The following RNGTT variants were observed in gnomAD, a reference collection of about 807,000 sequenced individuals.
The protein encoded by RNGTT is mRNA-capping enzyme.
Under a neutral mutation model 79.3 loss-of-function variants are expected in RNGTT, and 33 were observed. The observed-to-expected ratio is 0.42, with a 90% CI of 0.32 to 0.56. RNGTT has a LOEUF of 0.56. RNGTT is among the 20% of genes least tolerant of loss of function. The pLI, the probability that RNGTT is intolerant of heterozygous loss-of-function variation, is 0.17. For missense variants in RNGTT, 497 were observed against 739.1 expected (o/e 0.67, Z 3.80); for synonymous variants, 222 against 235.9 (o/e 0.94, Z 0.54).
Position 88,946,853 on chromosome 6 carries a change from C to T in RNGTT, c.65-5673G>A, listed in dbSNP as rs1421996770. ...TGGAGATGGGGTTTCGCTGTGTTGG[C>T]CGGGCCGGTCTCCAGCCCCTAACCG... is the stretch of plus-strand genomic sequence containing the variant. On this transcript the variant is annotated intron_variant, in intron 1 of 15. Transcript: ENST00000369485. Among the ~76,000 whole-genome samples, 582 of 140,420 alleles carry T rather than the reference C, an allele frequency of 4.1e-3. 3 individuals carry two copies. Among genetic ancestry groups the T allele is most frequent in the African/African-American group, 0.014 (528 of 37,234 alleles). 92.1% of individuals were successfully genotyped at this position (140,420 alleles called of 152,430 possible). A position where few individuals can be genotyped will look rare whatever the true frequency, so the allele number is the denominator to read the frequency against.
chr6:88,644,750 A>C (rs1004351787), intron 14 of RNGTT, among the ~76,000 whole-genome samples: 1 of 152,202 alleles, frequency 6.6e-6, no homozygotes, highest in African/African-American at 2.4e-5. Flanking sequence ...AAAGACAAAA[A>C]CCACATGATT....
chr6:88,885,102 G>T (rs1782814011), intron 8 of RNGTT, among the ~76,000 whole-genome samples: 1 of 151,630 alleles, frequency 6.6e-6, no homozygotes, highest in Admixed American at 6.6e-5. Flanking sequence ...ATATAGGTGT[G>T]TATTTATGTA....
chr6:88,619,783 C>T (rs1373213366), intron 14 of RNGTT, among the ~76,000 whole-genome samples: 2 of 152,046 alleles, frequency 1.3e-5, no homozygotes, highest in Non-Finnish European at 2.9e-5. Context: ...TAAATGAACT[C>T]AAACAAAAAT....
intron 1 of RNGTT, 58 bp from the exon 2 acceptor site, chr6:88,941,238 C>A (rs1784836969): frequency 8.8e-7 from 1 of 1,140,834 alleles, no homozygotes; most frequent in Middle Eastern, 2.0e-4. Flanking sequence ...GATTAAAATT[C>A]TATAATTAAC....
At chr6:88,851,040 A>G (rs1345310853) in intron 9 of RNGTT, among the ~76,000 whole-genome samples, 2 of 151,954 alleles carry the variant, frequency 1.3e-5, no homozygotes, top group African/African-American at 4.8e-5. Context: ...TCTAATCATC[A>G]CAGTCCATAT....
At chr6:88,703,527 G>A (rs1776014756) in intron 13 of RNGTT, among the ~76,000 whole-genome samples, 2 of 152,060 alleles carry the variant, frequency 1.3e-5, no homozygotes, top group Non-Finnish European at 2.9e-5. Flanking sequence ...CAGACAACGG[G>A]GACTACTAAA....
intron 14 of RNGTT, among the ~76,000 whole-genome samples, chr6:88,638,928 C>T (rs1773205483): frequency 6.6e-6 from 1 of 152,046 alleles, no homozygotes; most frequent in Non-Finnish European, 1.5e-5. Flanking sequence ...TCTGCTAAGC[C>T]TCATATTTTG....
intron 11 of RNGTT, among the ~76,000 whole-genome samples, chr6:88,803,647 C>T (rs1278045746): frequency 7.0e-6 from 1 of 142,364 alleles, no homozygotes; most frequent in Non-Finnish European, 1.5e-5. Flanking sequence ...AAACCAAATA[C>T]CACAATAATC....
At chr6:88,628,068 C>T (rs919965605) in intron 14 of RNGTT, among the ~76,000 whole-genome samples, 4 of 152,072 alleles carry the variant, frequency 2.6e-5, no homozygotes, top group Admixed American at 6.6e-5. Flanking sequence ...AAAGGCATTA[C>T]GTAAGTACAG....
intron 11 of RNGTT, among the ~76,000 whole-genome samples, chr6:88,806,030 C>A (rs999530727): frequency 6.6e-6 from 1 of 152,074 alleles, no homozygotes; most frequent in African/African-American, 2.4e-5. Context: ...CAAATGAAGC[C>A]TATTAACAAA....
intron 14 of RNGTT, among the ~76,000 whole-genome samples, chr6:88,676,764 A>G (rs2127788942): frequency 6.6e-6 from 1 of 152,360 alleles, no homozygotes; most frequent in East Asian, 1.9e-4. Context: ...ACAAGATTTG[A>G]AGAAATACTT....
chr6:88,949,085 G>A (rs1785136261), intron 1 of RNGTT, among the ~76,000 whole-genome samples: 1 of 101,538 alleles, frequency 9.8e-6, no homozygotes, highest in East Asian at 2.8e-4. Context: ...CCCCCTCTGT[G>A]AGAAACACCC....
chr6:88,724,012 A>G (rs1283163611), intron 13 of RNGTT, among the ~76,000 whole-genome samples: 1 of 152,222 alleles, frequency 6.6e-6, no homozygotes, highest in Non-Finnish European at 1.5e-5. Context: ...GGCGTGAGCC[A>G]CCGCGCTCAG....
chr6:88,863,080 GT>G (rs1271635286), intron 8 of RNGTT, among the ~76,000 whole-genome samples: 1 of 152,062 alleles, frequency 6.6e-6, no homozygotes, highest in Non-Finnish European at 1.5e-5. Flanking sequence ...CTTCTATTAT[GT>G]GATCACTTAC....
chr6:88,724,294 T>C (rs1776809886), intron 13 of RNGTT, among the ~76,000 whole-genome samples: 1 of 152,204 alleles, frequency 6.6e-6, no homozygotes, highest in Admixed American at 6.5e-5. Context: ...AGGTGCCTGA[T>C]ACAGGTGTAC....
rs143959394 is a variant in RNGTT, at chr6:88,643,612, C to T, written c.1507-29217G>A. Among the ~76,000 whole-genome samples the T allele has an allele frequency of 6.8e-3, 1,034 of 152,278 alleles. 11 individuals carry two copies. The highest frequency in any genetic ancestry group is 0.023 in the African/African-American group (949 of 41,558). ...GCCACATAGTTGGAAGTAAAGCACT[C>T]CTCAGCAAATGTAAAAGAACAGAAA... On this transcript the variant is annotated intron_variant, in intron 14 of 15. Transcript: ENST00000369485.
intron 6 of RNGTT, among the ~76,000 whole-genome samples, chr6:88,894,107 A>T (rs1783145081): frequency 1.3e-5 from 2 of 152,198 alleles, no homozygotes; most frequent in African/African-American, 4.8e-5. Context: ...AATGTGCAAA[A>T]GGTCTAAGAG....
At chr6:88,713,639 G>C (rs1298292228) in intron 13 of RNGTT, among the ~76,000 whole-genome samples, 1 of 151,990 alleles carries the variant, frequency 6.6e-6, no homozygotes, top group Non-Finnish European at 1.5e-5. Flanking sequence ...CTATATTTAT[G>C]TTTGTTATAT....
chr6:88,839,171 A>T (rs1180740230), intron 11 of RNGTT, among the ~76,000 whole-genome samples: 1 of 152,208 alleles, frequency 6.6e-6, no homozygotes, highest in Non-Finnish European at 1.5e-5. Context: ...GTTAAAGAGA[A>T]ATGAAGATGA....
Sources: gnomAD v4.1 joint callset for allele counts (sites outside exome capture counted in the v4.1 genomes callset) on GRCh38, gnomAD v4.1.1 for gene constraint, MANE v1.5 for transcripts, NCBI Gene and HGNC (gene_info 2026-07-23, HGNC 2026-07-21) for gene names.